RALGAPB: variants seen among roughly 807,000 people sequenced by gnomAD.
RALGAPB encodes Ral GTPase activating protein non-catalytic subunit beta.
In RALGAPB, 25 loss-of-function variants were observed where a neutral mutation model predicts 161.1. That is an observed-to-expected ratio of 0.16 (90% confidence interval 0.11 to 0.22). The LOEUF (loss-of-function observed/expected upper bound fraction) is 0.22, where lower values mean the gene tolerates loss of function less well. Ranked by LOEUF, RALGAPB falls within the 10% of genes least tolerant of loss-of-function variation. The pLI is 1.00. For missense variants in RALGAPB, 1,391 were observed against 1,815.2 expected (o/e 0.77, Z 4.25); for synonymous variants, 629 against 626.1 (o/e 1.00, Z -0.07).
chr20:38,492,123 C>T (rs1044300089), intron 2 of RALGAPB, among the ~76,000 whole-genome samples: 2 of 152,118 alleles, frequency 1.3e-5, no homozygotes, highest in Non-Finnish European at 2.9e-5. Context: ...GACTAATGTG[C>T]CAAAGTCATT....
chr20:38,574,792 C>G lies in RALGAPB; in HGVS notation c.4310C>G (p.Thr1437Ser). The G allele has an allele frequency of 6.2e-7, 1 of 1,613,842 alleles. No individual in the cohort carries two copies. Among genetic ancestry groups the G allele is most frequent in the Non-Finnish European group, 8.5e-7 (1 of 1,179,758 alleles). Reference protein sequence around the residue: ...RRALGFLVRQTVINICRRKRL... With the variant: ...RRALGFLVRQSVINICRRKRL... Reference sequence around the variant, plus strand: ...TTTCAAGGCTTTCTGGTGAGGCAGACTGTAATTAACATTTGTAGAAGAAAG... The same window carrying G: ...TTTCAAGGCTTTCTGGTGAGGCAGAGTGTAATTAACATTTGTAGAAGAAAG... Residue 1437 changes from threonine (T) to serine (S), a missense_variant, in exon 30 of 30, where the codon ACT becomes AGT. By Grantham distance (58) the Thr-to-Ser change is moderately conservative. Around this residue, in one of 3 missense-constraint regions of RALGAPB, gnomAD observed 436 missense variants for 527.0 expected, o/e 0.83. Coordinates refer to ENST00000262879, the MANE Select transcript of RALGAPB (RefSeq NM_020336.4).
intron 5 of RALGAPB, among the ~76,000 whole-genome samples, chr20:38,505,299 A>C: frequency 6.6e-6 from 1 of 152,238 alleles, no homozygotes. Context: ...GCTTGAAGCC[A>C]TTATCCTAAG....
intron 22 of RALGAPB, 150 bp from the exon 23 acceptor site, chr20:38,558,145 T>G (rs2087653715): frequency 3.5e-6 from 2 of 564,678 alleles, no homozygotes; most frequent in Admixed American, 3.9e-5. Context: ...GTTAAATAGT[T>G]TCTTTAGTTT....
chr20:38,499,540 A>T lies in RALGAPB; in HGVS notation c.647A>T (p.Tyr216Phe), dbSNP rs752346303. The change falls in exon 5 of 30, where the codon TAT becomes TTT. Residue 216 changes from tyrosine to phenylalanine, a missense_variant. Coordinates refer to ENST00000262879, the MANE Select transcript of RALGAPB (RefSeq NM_020336.4). ...ACTCGGTGCTTCCCAACACCTCCTT[A>T]TTGGAAAACAGCCAAGGAGATGGTG... ...ACTRCFPTPP[Y>F]WKTAKEMVAN... 7 of 1,613,964 alleles carry T rather than the reference A, an allele frequency of 4.3e-6. No individual in the cohort carries two copies. In the East Asian group the frequency reaches 1.6e-4, roughly 36 times the overall value.
intron 9 of RALGAPB, among the ~76,000 whole-genome samples, chr20:38,521,045 C>T (rs2086274669): frequency 6.6e-6 from 1 of 152,164 alleles, no homozygotes; most frequent in Admixed American, 6.5e-5. Context: ...CTAAAGTATA[C>T]AGACTGGCAT....
chr20:38,473,150 C>T (rs2084699570), intron 1 of RALGAPB, 81 bp downstream of exon 1: 1 of 329,028 alleles, frequency 3.0e-6, no homozygotes, highest in Non-Finnish European at 5.5e-6. Flanking sequence ...CAAGGGACGG[C>T]TGAGGCTTGT....
intron 23 of RALGAPB, among the ~76,000 whole-genome samples, chr20:38,561,759 C>CG (rs1446584143): frequency 2.6e-5 from 4 of 152,146 alleles, no homozygotes; most frequent in Admixed American, 2.6e-4. Context: ...TTCTTTGTTA[C>CG]GGGGGCTATC....
intron 9 of RALGAPB, among the ~76,000 whole-genome samples, chr20:38,518,462 T>A (rs1013763257): frequency 8.5e-5 from 13 of 152,232 alleles, no homozygotes; most frequent in African/African-American, 3.1e-4. Context: ...AATTTTAGTC[T>A]AGAGAACTTT....
At chr20:38,508,493 G>A (rs2085835737) in intron 5 of RALGAPB, among the ~76,000 whole-genome samples, 1 of 152,096 alleles carries the variant, frequency 6.6e-6, no homozygotes, top group Admixed American at 6.6e-5. Flanking sequence ...AAGTGATGAA[G>A]CTGAACTGAA....
At chr20:38,538,175 TA>T in intron 16 of RALGAPB, 1 of 159,974 alleles carries the variant, frequency 6.3e-6, no homozygotes. Flanking sequence ...AGCGAAACTC[TA>T]AGGACAGAGA....
chr20:38,577,733 T>A lies in RALGAPB; in HGVS notation c.*2766T>A, dbSNP rs367964677. On this transcript the variant is annotated 3_prime_UTR_variant, in exon 30 of 30. Coordinates refer to ENST00000262879, the MANE Select transcript of RALGAPB (RefSeq NM_020336.4). ...CACACACACACACACACACACACAC[T>A]CGCATACTCATGCACATTTTCCTTC... is the stretch of plus-strand genomic sequence containing the variant. 6.1e-5 allele frequency: 6 copies of A among 97,930 alleles called. No homozygotes were observed. The highest frequency in any genetic ancestry group is 8.9e-5 in the Non-Finnish European group (4 of 45,104). 6.1% of individuals were successfully genotyped at this position (97,930 alleles called of 1,614,324 possible).
At chr20:38,545,474 AATAT>A (rs2087131851) in intron 18 of RALGAPB, among the ~76,000 whole-genome samples, 1 of 152,182 alleles carries the variant, frequency 6.6e-6, no homozygotes, top group Admixed American at 6.5e-5. Context: ...TTGTGGTTCT[AATAT>A]CATCTGGCCC....
chr20:38,528,799 C>G (rs1055503018), intron 13 of RALGAPB, among the ~76,000 whole-genome samples: 2 of 151,978 alleles, frequency 1.3e-5, no homozygotes, highest in Non-Finnish European at 2.9e-5. Context: ...TTCCACCTCA[C>G]CCTCCTGAGT....
At chr20:38,566,902 A>C (rs1366910839) in intron 25 of RALGAPB, among the ~76,000 whole-genome samples, 194 bp from the exon 26 acceptor site, 1 of 152,230 alleles carries the variant, frequency 6.6e-6, no homozygotes, top group Non-Finnish European at 1.5e-5. Flanking sequence ...AATATGCGAG[A>C]GATCTGTATA....
chr20:38,517,508 A>G lies in RALGAPB; in HGVS notation c.1054A>G (p.Ile352Val). The G allele has an allele frequency of 6.6e-7, 1 of 1,521,508 alleles. No individual in the cohort carries two copies. The highest frequency in any genetic ancestry group is 8.8e-7 in the Non-Finnish European group (1 of 1,139,396). The allele number at this position is 1,521,508 out of a possible 1,614,324, so 94.3% of individuals were successfully genotyped here. The stretch of plus-strand genomic sequence containing the variant: ...TTTGTCTTTTTTTTTTTTTTAAGGT[A>G]TTTCTAGACCCCGATCAGACAGTGC... Reference protein sequence around the residue: ...ISCLVDAFLGISRPRSDSAPP... With the variant: ...ISCLVDAFLGVSRPRSDSAPP... The change falls in exon 8 of 30, where the codon ATT becomes GTT. Residue 352 changes from isoleucine (I) to valine (V), a missense_variant and splice_region_variant. Ile to Val is a conservative substitution (Grantham distance 29). Around this residue, in one of 3 missense-constraint regions of RALGAPB, gnomAD observed 946 missense variants for 1,257.2 expected, o/e 0.75. Coordinates refer to ENST00000262879, the MANE Select transcript of RALGAPB (RefSeq NM_020336.4).
intron 3 of RALGAPB, among the ~76,000 whole-genome samples, chr20:38,497,059 A>C (rs936021095): frequency 2.6e-5 from 4 of 152,248 alleles, no homozygotes; most frequent in Admixed American, 6.5e-5. Flanking sequence ...ATTATGTGTT[A>C]GGCACATGTT....
chr20:38,570,414 G>A (rs2088188626), intron 27 of RALGAPB, among the ~76,000 whole-genome samples: 1 of 152,158 alleles, frequency 6.6e-6, no homozygotes, highest in African/African-American at 2.4e-5. Context: ...TGCACTCTGG[G>A]TAAGTTTCTC....
intron 18 of RALGAPB, among the ~76,000 whole-genome samples, chr20:38,542,755 G>A (rs965786125): frequency 4.6e-5 from 7 of 151,940 alleles, no homozygotes; most frequent in Non-Finnish European, 1.0e-4. Flanking sequence ...CACACATGTA[G>A]TCCCAGCTAC....
intron 5 of RALGAPB, among the ~76,000 whole-genome samples, chr20:38,505,238 A>G (rs939347626): frequency 6.6e-6 from 1 of 152,234 alleles, no homozygotes; most frequent in Admixed American, 6.5e-5. Flanking sequence ...ATGGAATACT[A>G]TGCAGCCATG....
Sources: gnomAD v4.1 joint callset for allele counts (sites outside exome capture counted in the v4.1 genomes callset) on GRCh38, gnomAD v4.1.1 for gene constraint, gnomAD v4.1.1 regional missense constraint, MANE v1.5 for transcripts, NCBI Gene and HGNC (gene_info 2026-07-23, HGNC 2026-07-21) for gene names.